VSTM5: variants seen among roughly 807,000 people sequenced by gnomAD.
The protein encoded by VSTM5 is V-set and transmembrane domain containing 5.
Under a neutral mutation model 20.3 loss-of-function variants are expected in VSTM5, and 21 were observed. That is an observed-to-expected ratio of 1.03 (90% CI 0.73 to 1.49). VSTM5 has a LOEUF of 1.49. VSTM5 is among the 40% of genes most tolerant of loss of function. The pLI, the probability that VSTM5 is intolerant of heterozygous loss-of-function variation, is 0.00. For synonymous variants in VSTM5, 100 were observed against 102.5 expected (o/e 0.98, Z 0.14); for missense variants, 219 against 250.0 (o/e 0.88, Z 0.84).
chr11:93,830,285 GC>G (rs1295973898), intron 1 of VSTM5, among the ~76,000 whole-genome samples: 1 of 152,200 alleles, frequency 6.6e-6, no homozygotes. Context: ...CACATGTACT[GC>G]CCTGGGCCCC....
chr11:93,837,266 G>A (rs547429668), intron 1 of VSTM5, among the ~76,000 whole-genome samples: 1 of 151,982 alleles, frequency 6.6e-6, no homozygotes, highest in Non-Finnish European at 1.5e-5. Context: ...TCCTGACCTC[G>A]GGTGATCTGC....
chr11:93,842,051 C>A (rs550693119), intron 1 of VSTM5, among the ~76,000 whole-genome samples: 1 of 152,186 alleles, frequency 6.6e-6, no homozygotes, highest in Non-Finnish European at 1.5e-5. Flanking sequence ...GTGCTGTGCC[C>A]GCCTCCTGCA....
chr11:93,833,027 C>G (rs1366540708), intron 1 of VSTM5, among the ~76,000 whole-genome samples: 1 of 152,184 alleles, frequency 6.6e-6, no homozygotes, highest in East Asian at 1.9e-4. Flanking sequence ...CTGCTAGCCA[C>G]ATGTAGCTGT....
chr11:93,836,368 GAAGTC>G (rs1422303044), intron 1 of VSTM5, among the ~76,000 whole-genome samples: 3 of 152,198 alleles, frequency 2.0e-5, no homozygotes, highest in African/African-American at 7.2e-5. Context: ...CTCTAGGAAT[GAAGTC>G]AAACCCCTTC....
chr11:93,850,610 G>C lies in VSTM5; in HGVS notation c.-108C>G. 2.2e-6 allele frequency: 1 copy of C among 458,118 alleles called. No individual in the cohort carries two copies. The allele number at this position is 458,118 out of a possible 1,614,324, so 28.4% of individuals were successfully genotyped here. ...GCCTCTGGCTGCCGCAGGTTCTTTA[G>C]GGCCAGATGCAGATGAGCTGGTTGT... On this transcript the variant is annotated 5_prime_UTR_variant, in exon 1 of 4. Coordinates refer to ENST00000409977, the MANE Select transcript of VSTM5 (RefSeq NM_001144871.2).
chr11:93,829,380 T>C (rs11822583), intron 1 of VSTM5, among the ~76,000 whole-genome samples: 1,679 of 152,102 alleles, frequency 0.011, 33 homozygotes, highest in African/African-American at 0.039. Context: ...TACAAAAAAT[T>C]AGCCAGGCGT....
At chr11:93,822,463 A>G (rs574296634) in intron 1 of VSTM5, among the ~76,000 whole-genome samples, 1 of 149,056 alleles carries the variant, frequency 6.7e-6, no homozygotes, top group African/African-American at 2.5e-5. Context: ...TCTGATTCCA[A>G]TCCTGGATCT....
chr11:93,823,812 T>C (rs1944209832), intron 1 of VSTM5, among the ~76,000 whole-genome samples: 1 of 149,426 alleles, frequency 6.7e-6, no homozygotes, highest in African/African-American at 2.5e-5. Context: ...GTCTTGGCTA[T>C]TGTGAATATG....
chr11:93,826,626 C>G (rs1400769367), intron 1 of VSTM5, among the ~76,000 whole-genome samples: 1 of 152,004 alleles, frequency 6.6e-6, no homozygotes, highest in African/African-American at 2.4e-5. Context: ...GTCTCGATCT[C>G]CTGACCTCGT....
At chr11:93,840,727 T>C (rs1218034619) in intron 1 of VSTM5, among the ~76,000 whole-genome samples, 5 of 152,148 alleles carry the variant, frequency 3.3e-5, no homozygotes, top group Non-Finnish European at 7.3e-5. Flanking sequence ...TAGAATCACC[T>C]GGAGGTGATC....
At chr11:93,820,635 T>C (rs765060196) in intron 3 of VSTM5, 23 bp from the exon 4 acceptor site, 38 of 1,551,648 alleles carry the variant, frequency 2.4e-5, no homozygotes, top group Non-Finnish European at 3.2e-5. Context: ...GACAAGTCAA[T>C]GAGTTGGAAA....
intron 1 of VSTM5, among the ~76,000 whole-genome samples, chr11:93,841,181 A>G (rs1057220558): frequency 1.3e-5 from 2 of 152,112 alleles, no homozygotes; most frequent in African/African-American, 4.8e-5. Flanking sequence ...TAGGCCACCA[A>G]TTCACTTCAG....
chr11:93,844,702 T>C (rs573972182), intron 1 of VSTM5, among the ~76,000 whole-genome samples: 1 of 152,306 alleles, frequency 6.6e-6, no homozygotes, highest in African/African-American at 2.4e-5. Flanking sequence ...ACCTCCTACG[T>C]TGCCATCAAG....
intron 1 of VSTM5, 77 bp downstream of exon 1, chr11:93,850,335 C>T (rs1466486999): frequency 2.2e-6 from 3 of 1,344,394 alleles, no homozygotes; most frequent in Admixed American, 4.5e-5. Context: ...GGGGCCGCTG[C>T]TAGACCCCGG....
At chr11:93,827,307 C>A (rs774483715) in intron 1 of VSTM5, among the ~76,000 whole-genome samples, 1 of 152,170 alleles carries the variant, frequency 6.6e-6, no homozygotes, top group African/African-American at 2.4e-5. Flanking sequence ...CTCTTGAACC[C>A]AGAAGGCGGA....
rs1480783975 is a variant in VSTM5 at position 93,818,508 on chromosome 11, G to GTGAATAAAC, written c.*2052_*2060dup. On this transcript the variant is annotated 3_prime_UTR_variant, in exon 4 of 4. Coordinates refer to ENST00000409977, the MANE Select transcript of VSTM5 (RefSeq NM_001144871.2). ...CATTGTAACTTCCCACACTACTGAT[G>GTGAATAAAC]TGAATAAACTGTCATGAGATTTGGG... 3.9e-5 allele frequency: 5 copies of GTGAATAAAC among 126,600 alleles called. No individual in the cohort carries two copies. Among genetic ancestry groups the GTGAATAAAC allele is most frequent in the Non-Finnish European group, 4.9e-5 (3 of 61,716 alleles). 7.8% of individuals were successfully genotyped at this position (126,600 alleles called of 1,614,324 possible).
intron 1 of VSTM5, among the ~76,000 whole-genome samples, chr11:93,825,772 T>G (rs934924327): frequency 1.3e-5 from 2 of 151,732 alleles, no homozygotes; most frequent in African/African-American, 4.8e-5. Flanking sequence ...TTTTTCTTTT[T>G]TTGTTGTTGT....
chr11:93,842,033 A>C lies in VSTM5; in HGVS notation c.91+8379T>G, dbSNP rs143905671. On this transcript the variant is annotated intron_variant, in intron 1 of 3. Transcript: ENST00000409977. ...TTATGGTACCTAGGAAATAAGGATA[A>C]TATAATAGTGCTGTGCCCGCCTCCT... Among the ~76,000 whole-genome samples the C allele has an allele frequency of 3.3e-5, 5 of 152,326 alleles. No homozygotes were observed. In the East Asian group the frequency reaches 9.6e-4, roughly 29 times the overall value.
rs904047234 is a variant in VSTM5 at position 93,831,744 on chromosome 11, C to T, written c.92-10421G>A. Among the ~76,000 whole-genome samples the T allele has an allele frequency of 2.6e-5, 4 of 152,160 alleles. 1 individual carries two copies. The highest frequency in any genetic ancestry group is 4.1e-4 in the South Asian group (2 of 4,828). On this transcript the variant is annotated intron_variant, in intron 1 of 3. Transcript: ENST00000409977. ...TTGTACCCAAACCAGGAAAATCACTCGAAAATGGCAACAGTCACCATTTCT... is the reference window on the plus strand; with the variant it reads ...TTGTACCCAAACCAGGAAAATCACTTGAAAATGGCAACAGTCACCATTTCT...
Sources: gnomAD v4.1 joint callset for allele counts (sites outside exome capture counted in the v4.1 genomes callset) on GRCh38, gnomAD v4.1.1 for gene constraint, MANE v1.5 for transcripts, NCBI Gene and HGNC (gene_info 2026-07-23, HGNC 2026-07-21) for gene names.